Variants in AMBRA1 observed in about 807,000 individuals in gnomAD.
AMBRA1 encodes autophagy and beclin 1 regulator 1.
AMBRA1 carries 47 observed loss-of-function variants against 125.4 expected under a neutral mutation model. The ratio of observed to expected loss-of-function variants is 0.37; its 90% CI spans 0.30 to 0.48. The LOEUF is 0.48. Among genes scored for constraint, AMBRA1 ranks in the 20% least tolerant of loss-of-function variants. AMBRA1 has a pLI of 0.99. For missense variants in AMBRA1, 1,331 were observed against 1,693.4 expected, an observed-to-expected ratio of 0.79 and a Z score of 3.76; for synonymous variants, 626 against 655.5, an observed-to-expected ratio of 0.95 and a Z score of 0.69.
At chr11:46,430,387 T>G (rs190392642) in intron 14 of AMBRA1, among the ~76,000 whole-genome samples, 1 of 152,314 alleles carries the variant, frequency 6.6e-6, no homozygotes, top group East Asian at 1.9e-4. Context: ...ACACCTAAAA[T>G]GAAGAAATCT....
intron 7 of AMBRA1, among the ~76,000 whole-genome samples, chr11:46,514,124 C>T (rs973735469): frequency 2.0e-5 from 3 of 152,192 alleles, no homozygotes; most frequent in Admixed American, 1.3e-4. Context: ...GGCTCCCTGC[C>T]AGACTCTTCT....
chr11:46,440,864 A>G (rs1220195534), intron 12 of AMBRA1, among the ~76,000 whole-genome samples: 1 of 152,220 alleles, frequency 6.6e-6, no homozygotes, highest in Admixed American at 6.5e-5. Context: ...AGAATATCTT[A>G]ATTATTTTAA....
intron 12 of AMBRA1, among the ~76,000 whole-genome samples, chr11:46,442,331 C>T (rs1453656686): frequency 6.6e-6 from 1 of 151,806 alleles, no homozygotes; most frequent in Non-Finnish European, 1.5e-5. Context: ...TTAGTAGAGA[C>T]GAGGTTTCAT....
At chr11:46,425,964 G>A (rs536265617) in intron 14 of AMBRA1, among the ~76,000 whole-genome samples, 1 of 150,756 alleles carries the variant, frequency 6.6e-6, no homozygotes, top group East Asian at 2.0e-4. Context: ...GGCTAACACG[G>A]TGAAACCCCG....
chr11:46,560,029 GAA>G (rs1327600941), intron 1 of AMBRA1, among the ~76,000 whole-genome samples: 1 of 152,174 alleles, frequency 6.6e-6, no homozygotes, highest in Non-Finnish European at 1.5e-5. Context: ...AGTTCTAAGA[GAA>G]AGATTGCAAA....
rs1035640018 is a variant in AMBRA1 at position 46,545,912 on chromosome 11, T to C, written c.379-136A>G. ...TTTAAATACATCCTCTGTAAAAAGA[T>C]GTAGAAGATCAGCGATCTGGTAGTG... On this transcript the variant is annotated intron_variant, in intron 4 of 17. Transcript: ENST00000683756. 7.9e-6 allele frequency: 6 copies of C among 760,438 alleles called. No homozygotes were observed. In the East Asian group the frequency reaches 1.6e-4, roughly 20 times the overall value. The allele number at this position is 760,438 out of a possible 1,614,324, so 47.1% of individuals were successfully genotyped here. A position where few individuals can be genotyped will look rare whatever the true frequency, so the allele number is the denominator to read the frequency against.
At chr11:46,546,030 TTTC>T in intron 4 of AMBRA1, 1 of 281,536 alleles carries the variant, frequency 3.6e-6, no homozygotes, top group Non-Finnish European at 6.6e-6. Context: ...ACAGTTCCTA[TTTC>T]TTTTTTTTTT....
chr11:46,465,439 G>C (rs1315338739), intron 11 of AMBRA1, among the ~76,000 whole-genome samples: 1 of 152,196 alleles, frequency 6.6e-6, no homozygotes, highest in Non-Finnish European at 1.5e-5. Flanking sequence ...CTACAGTTAT[G>C]TGTAGGTGTT....
chr11:46,487,297 G>C (rs1367994099), intron 11 of AMBRA1, among the ~76,000 whole-genome samples: 1 of 151,924 alleles, frequency 6.6e-6, no homozygotes, highest in East Asian at 1.9e-4. Flanking sequence ...GAGGGGCAGA[G>C]GACAACCAAA....
At chr11:46,418,821 T>C (rs1396249738) in intron 14 of AMBRA1, among the ~76,000 whole-genome samples, 1 of 152,150 alleles carries the variant, frequency 6.6e-6, no homozygotes, top group East Asian at 1.9e-4. Flanking sequence ...ACTAACTTCA[T>C]TGCTTTTAAA....
At chr11:46,453,898 G>A (rs1402741155) in intron 11 of AMBRA1, among the ~76,000 whole-genome samples, 1 of 152,050 alleles carries the variant, frequency 6.6e-6, no homozygotes, top group Non-Finnish European at 1.5e-5. Flanking sequence ...TGAATTAAAG[G>A]GTAAATATTT....
chr11:46,543,415 C>T lies in AMBRA1; in HGVS notation c.619-17G>A. 2 of 1,612,910 alleles carry T rather than the reference C, an allele frequency of 1.2e-6. No homozygotes were observed. Among genetic ancestry groups the T allele is most frequent in the Non-Finnish European group, 1.7e-6 (2 of 1,179,586 alleles). On this transcript the variant is annotated splice_polypyrimidine_tract_variant and intron_variant, in intron 6 of 17. Coordinates refer to ENST00000683756, the MANE Select transcript of AMBRA1 (RefSeq NM_001387011.1). ...GTCATCACCCTGCAACGTGGACCAG[C>T]ATGGGGCAGGGGGTAGAGCAAGGCA... is the stretch of plus-strand genomic sequence containing the variant.
At chr11:46,559,365 C>G (rs909401677) in intron 1 of AMBRA1, among the ~76,000 whole-genome samples, 1 of 152,068 alleles carries the variant, frequency 6.6e-6, no homozygotes, top group Non-Finnish European at 1.5e-5. Flanking sequence ...TAATTTCAGC[C>G]AGTCATTTCA....
At chr11:46,544,116 GA>G in intron 5 of AMBRA1, 75 bp from the exon 6 acceptor site, 1 of 1,208,010 alleles carries the variant, frequency 8.3e-7, no homozygotes, top group Non-Finnish European at 1.2e-6. Flanking sequence ...ACTTGTGTTT[GA>G]ATTTATAGCA....
intron 11 of AMBRA1, among the ~76,000 whole-genome samples, chr11:46,475,092 G>A (rs1008295936): frequency 2.0e-5 from 3 of 151,914 alleles, no homozygotes; most frequent in Non-Finnish European, 2.9e-5. Flanking sequence ...CTTATCAATA[G>A]AAAAAAAATT....
intron 1 of AMBRA1, among the ~76,000 whole-genome samples, chr11:46,554,290 A>C (rs1482330337): frequency 3.3e-5 from 5 of 152,184 alleles, no homozygotes; most frequent in Admixed American, 6.5e-5. Flanking sequence ...AATAAAAAAA[A>C]CCGACCTTCC....
chr11:46,480,888 G>C (rs557284028), intron 11 of AMBRA1, among the ~76,000 whole-genome samples: 21 of 152,170 alleles, frequency 1.4e-4, no homozygotes, highest in Non-Finnish European at 2.8e-4. Flanking sequence ...AGACCAATGA[G>C]GGGTTTGGGG....
intron 4 of AMBRA1, among the ~76,000 whole-genome samples, chr11:46,546,796 C>G (rs1953038679): frequency 6.6e-6 from 1 of 152,166 alleles, no homozygotes; most frequent in South Asian, 2.1e-4. Context: ...AGAAGCCGGG[C>G]ATGGTGGCTC....
intron 1 of AMBRA1, among the ~76,000 whole-genome samples, chr11:46,577,469 A>G (rs1431723718): frequency 6.6e-6 from 1 of 152,194 alleles, no homozygotes; most frequent in Non-Finnish European, 1.5e-5. Context: ...GAAGGGCAGA[A>G]TAAGGACAAA....
Sources: gnomAD v4.1 joint callset for allele counts (sites outside exome capture counted in the v4.1 genomes callset) on GRCh38, gnomAD v4.1.1 for gene constraint, MANE v1.5 for transcripts, NCBI Gene and HGNC (gene_info 2026-07-23, HGNC 2026-07-21) for gene names.